Variants in RTN3 observed in about 807,000 individuals in gnomAD.
RTN3 encodes reticulon 3.
RTN3 carries 49 observed loss-of-function variants against 77.8 expected under a neutral mutation model. The ratio of observed to expected loss-of-function variants is 0.63; its 90% CI spans 0.50 to 0.80. The LOEUF (loss-of-function observed/expected upper bound fraction) is 0.80, where lower values mean the gene tolerates loss of function less well. RTN3 is among the 30% of genes least tolerant of loss of function. The probability of loss-of-function intolerance (pLI) is 0.00; values close to 1 mark genes in which losing one functional copy is unlikely to be tolerated. For missense variants in RTN3, 1,236 were observed against 1,211.9 expected, an observed-to-expected ratio of 1.02 and a Z score of -0.29; for synonymous variants, 464 against 446.9, an observed-to-expected ratio of 1.04 and a Z score of -0.48.
Position 63,758,529 on chromosome 11 carries a change from T to C in RTN3, c.*328T>C. 1 of 564,902 alleles carries C rather than the reference T, an allele frequency of 1.8e-6. No individual in the cohort carries two copies. The highest frequency in any genetic ancestry group is 3.5e-5 in the Admixed American group (1 of 28,780). The allele number at this position is 564,902 out of a possible 1,614,324, so 35.0% of individuals were successfully genotyped here. A position where few individuals can be genotyped will look rare whatever the true frequency, so the allele number is the denominator to read the frequency against. ...GTAAGAGAGAAAATGAAAGAACACCTCTGGGTCCTTCTGTCCAGTTTTCAG... is the reference window on the plus strand; with the variant it reads ...GTAAGAGAGAAAATGAAAGAACACCCCTGGGTCCTTCTGTCCAGTTTTCAG... On this transcript the variant is annotated 3_prime_UTR_variant, in exon 9 of 9. Transcript: ENST00000377819.
intron 7 of RTN3, among the ~76,000 whole-genome samples, chr11:63,755,871 A>G (rs1423065241): frequency 6.6e-6 from 1 of 151,906 alleles, no homozygotes; most frequent in Non-Finnish European, 1.5e-5. Flanking sequence ...AGGCAGGAGA[A>G]TGGCGTGAAC....
intron 1 of RTN3, among the ~76,000 whole-genome samples, chr11:63,702,842 C>T (rs1021920962): frequency 5.9e-5 from 9 of 151,854 alleles, no homozygotes; most frequent in Admixed American, 3.9e-4. Context: ...CCCGCCACCA[C>T]GCCCAGCTAA....
intron 2 of RTN3, chr11:63,714,011 T>C (rs768802577): frequency 1.9e-6 from 1 of 518,794 alleles, no homozygotes; most frequent in Non-Finnish European, 3.8e-6. Flanking sequence ...AGTGCCATAC[T>C]GACCAATTGG....
chr11:63,700,887 C>T (rs961766396), intron 1 of RTN3, among the ~76,000 whole-genome samples: 7 of 151,662 alleles, frequency 4.6e-5, no homozygotes, highest in Non-Finnish European at 1.0e-4. Flanking sequence ...GTCAGGACAT[C>T]GAGACCATCC....
Position 63,720,681 on chromosome 11 carries a change from C to A in RTN3, c.2179C>A (p.Pro727Thr). The A allele has an allele frequency of 6.2e-7, 1 of 1,614,084 alleles. No individual in the cohort carries two copies. The highest frequency in any genetic ancestry group is 8.5e-7 in the Non-Finnish European group (1 of 1,180,006). The change falls in exon 3 of 9, where the codon CCT becomes ACT. Residue 727 changes from proline to threonine, a missense_variant. This residue lies in a region of RTN3 where 1,056 missense variants were observed against 990.4 expected (regional missense o/e 1.07). Coordinates refer to ENST00000377819, the MANE Select transcript of RTN3 (RefSeq NM_001265589.2). ...TGGAAGTGAGCCTCTAGGTGTTTTC[C>A]CTACCCAAGGTACTCCAGTAGCATC... The part of the protein sequence containing the change: ...TNGSEPLGVF[P>T]TQGTPVASLD...
intron 1 of RTN3, among the ~76,000 whole-genome samples, chr11:63,703,630 C>T (rs1440890605): frequency 1.3e-5 from 2 of 151,538 alleles, no homozygotes; most frequent in Non-Finnish European, 1.5e-5. Context: ...GCAAGCTCCA[C>T]CTCCCAGGTT....
intron 1 of RTN3, among the ~76,000 whole-genome samples, chr11:63,685,278 T>C: frequency 6.6e-6 from 1 of 151,610 alleles, no homozygotes; most frequent in East Asian, 2.0e-4. Context: ...TTGGATCACC[T>C]GAGGTCAGGA....
chr11:63,736,973 CTTTT>C (rs542211160), intron 3 of RTN3, among the ~76,000 whole-genome samples: 2 of 140,684 alleles, frequency 1.4e-5, no homozygotes, highest in African/African-American at 2.6e-5. Context: ...TCATAGAATC[CTTTT>C]TTTTTTTTTT....
chr11:63,726,454 A>T (rs2012269973), intron 3 of RTN3, among the ~76,000 whole-genome samples: 1 of 152,210 alleles, frequency 6.6e-6, no homozygotes, highest in Admixed American at 6.5e-5. Flanking sequence ...GAAGGGAGAG[A>T]TCCAGAGAGT....
intron 3 of RTN3, among the ~76,000 whole-genome samples, chr11:63,737,360 A>G (rs890086760): frequency 3.3e-5 from 5 of 152,218 alleles, no homozygotes; most frequent in Admixed American, 1.3e-4. Flanking sequence ...CTGTAATCCC[A>G]GCACTTTGGG....
chr11:63,718,563 A>T, intron 2 of RTN3, 139 bp from the exon 3 acceptor site: 1 of 489,040 alleles, frequency 2.0e-6, no homozygotes, highest in African/African-American at 2.0e-5. Context: ...TTACATATTT[A>T]TGTGTGTATA....
intron 3 of RTN3, among the ~76,000 whole-genome samples, chr11:63,733,160 C>CA (rs58564500): frequency 0.023 from 3,119 of 136,836 alleles, 97 homozygotes; most frequent in African/African-American, 0.073. Context: ...ACTAAAAATA[C>CA]AAAAAAAAAA....
chr11:63,735,187 A>G (rs2013005059), intron 3 of RTN3, among the ~76,000 whole-genome samples: 1 of 152,138 alleles, frequency 6.6e-6, no homozygotes, highest in Non-Finnish European at 1.5e-5. Flanking sequence ...ACAGGGTTTC[A>G]TCTTGTTGCC....
intron 8 of RTN3, among the ~76,000 whole-genome samples, chr11:63,757,504 G>C (rs1414956627): frequency 6.6e-6 from 1 of 151,904 alleles, no homozygotes; most frequent in Non-Finnish European, 1.5e-5. Flanking sequence ...GACACTACAG[G>C]CATGTGCCAT....
chr11:63,729,386 TATAAC>T lies in RTN3; in HGVS notation c.2530+8356_2530+8360del, dbSNP rs756455102. 9.3e-5 allele frequency among the ~76,000 whole-genome samples: 14 copies of T among 150,680 alleles called. No individual in the cohort carries two copies. In the East Asian group the frequency reaches 2.1e-3, roughly 23 times the overall value. On this transcript the variant is annotated intron_variant, in intron 3 of 8. Coordinates refer to ENST00000377819, the MANE Select transcript of RTN3 (RefSeq NM_001265589.2). ...TATGATGTTTATTTCTTAGGACAAT[TATAAC>T]AGAAAAAAACGAGTATATGGACTGT...
chr11:63,699,833 C>T (rs977731924), intron 1 of RTN3, among the ~76,000 whole-genome samples: 1 of 152,218 alleles, frequency 6.6e-6, no homozygotes, highest in African/African-American at 2.4e-5. Context: ...TTTTCAGCTA[C>T]TTGTGGGCAC....
chr11:63,721,253 T>G (rs112184866), intron 3 of RTN3, among the ~76,000 whole-genome samples: 32 of 152,168 alleles, frequency 2.1e-4, no homozygotes, highest in Admixed American at 5.9e-4. Flanking sequence ...AGTAGACCAC[T>G]TTGTAACATT....
chr11:63,722,769 C>T (rs1321729177), intron 3 of RTN3, among the ~76,000 whole-genome samples: 3 of 152,068 alleles, frequency 2.0e-5, no homozygotes, highest in Non-Finnish European at 4.4e-5. Context: ...CATAACCTTT[C>T]GGGGGCCTCA....
chr11:63,727,019 A>G (rs1235411030), intron 3 of RTN3, among the ~76,000 whole-genome samples: 1 of 152,110 alleles, frequency 6.6e-6, no homozygotes, highest in Non-Finnish European at 1.5e-5. Flanking sequence ...GTGAAACCCC[A>G]TCTCCACTAA....
Sources: gnomAD v4.1 joint callset for allele counts (sites outside exome capture counted in the v4.1 genomes callset) on GRCh38, gnomAD v4.1.1 for gene constraint, gnomAD v4.1.1 regional missense constraint, MANE v1.5 for transcripts, NCBI Gene and HGNC (gene_info 2026-07-23, HGNC 2026-07-21) for gene names.